The following MTUS1 variants were observed in gnomAD, a reference collection of about 807,000 sequenced individuals.
MTUS1 encodes the protein microtubule associated scaffold protein 1, also known as microtubule-associated tumor suppressor 1.
In MTUS1, 109 loss-of-function variants were observed where a neutral mutation model predicts 120.8. The observed-to-expected ratio is 0.90, with a 90% CI of 0.77 to 1.06. The LOEUF (loss-of-function observed/expected upper bound fraction) is 1.06, where lower values mean the gene tolerates loss of function less well. Ranked by LOEUF, MTUS1 falls within the 50% of genes least tolerant of loss-of-function variation. The probability of loss-of-function intolerance (pLI) is 0.00; values close to 1 mark genes in which losing one functional copy is unlikely to be tolerated. For missense variants in MTUS1, 2,210 were observed against 1,486.3 expected (o/e 1.49, Z -8.01); for synonymous variants, 737 against 550.5 (o/e 1.34, Z -4.74).
intron 2 of MTUS1, among the ~76,000 whole-genome samples, chr8:17,752,634 T>C (rs1033178689): frequency 6.7e-6 from 1 of 149,876 alleles, no homozygotes; most frequent in African/African-American, 2.5e-5. Context: ...CCCTCCCTTG[T>C]GGTCCCCATG....
rs1819536829 is a variant in MTUS1, at chr8:17,703,572, T to C, written c.2623+9642A>G. Among the ~76,000 whole-genome samples the C allele has an allele frequency of 3.4e-5, 5 of 146,252 alleles. No individual in the cohort carries two copies. The Admixed American group carries it at 3.5e-4, about 10-fold the overall frequency. Reference sequence around the variant, plus strand: ...TGAACCTGGGAGGCAGAGCTTGCAGTGAGCCGAGATCGCGCCACTGCACCG... The same window carrying C: ...TGAACCTGGGAGGCAGAGCTTGCAGCGAGCCGAGATCGCGCCACTGCACCG... On this transcript the variant is annotated intron_variant, in intron 6 of 14. Coordinates refer to ENST00000693296, the MANE Select transcript of MTUS1 (RefSeq NM_001363059.2).
At chr8:17,780,700 C>G (rs1563381434) in intron 1 of MTUS1, among the ~76,000 whole-genome samples, 1 of 152,296 alleles carries the variant, frequency 6.6e-6, no homozygotes, top group East Asian at 1.9e-4. Flanking sequence ...ACTAACTGGT[C>G]AAATCATGAG....
At chr8:17,767,632 G>A (rs572178826) in intron 1 of MTUS1, among the ~76,000 whole-genome samples, 28 of 149,316 alleles carry the variant, frequency 1.9e-4, no homozygotes, top group Admixed American at 1.5e-3. Context: ...CCAGGATTTC[G>A]AGGTTACAGT....
intron 8 of MTUS1, among the ~76,000 whole-genome samples, chr8:17,656,966 G>A (rs1221711779): frequency 6.6e-6 from 1 of 150,440 alleles, no homozygotes; most frequent in Non-Finnish European, 1.5e-5. Flanking sequence ...AGTTGAGGCA[G>A]GAGAATGGCG....
intron 4 of MTUS1, among the ~76,000 whole-genome samples, chr8:17,716,254 T>C (rs1366181309): frequency 1.3e-5 from 2 of 152,146 alleles, no homozygotes; most frequent in Non-Finnish European, 2.9e-5. Flanking sequence ...AGCACCCATC[T>C]CCATGGGGAC....
At chr8:17,758,374 C>T (rs888469889) in intron 1 of MTUS1, among the ~76,000 whole-genome samples, 1 of 151,316 alleles carries the variant, frequency 6.6e-6, no homozygotes, top group Admixed American at 6.6e-5. Flanking sequence ...ATCCAAAAAG[C>T]GATTTTGAAT....
At chr8:17,675,893 T>C (rs1813004938) in intron 7 of MTUS1, 1 of 173,038 alleles carries the variant, frequency 5.8e-6, no homozygotes, top group Non-Finnish European at 1.2e-5. Flanking sequence ...GGATGGCTGT[T>C]TTTAGTATCA....
At chr8:17,703,371 C>T (rs761428717) in intron 6 of MTUS1, among the ~76,000 whole-genome samples, 72 of 152,084 alleles carry the variant, frequency 4.7e-4, no homozygotes, top group Non-Finnish European at 9.1e-4. Flanking sequence ...CGGTGGCTCA[C>T]GCCTGTGATC....
intron 3 of MTUS1, among the ~76,000 whole-genome samples, chr8:17,731,402 A>G (rs2046568747): frequency 6.6e-6 from 1 of 152,206 alleles, no homozygotes; most frequent in African/African-American, 2.4e-5. Context: ...GTGAGAATTA[A>G]ATGAATTTAT....
At position 17,784,356 on chromosome 8, in the gene MTUS1, C is replaced by T. The variant is rs150383718; in HGVS notation, c.-155+16705G>A. Among the ~76,000 whole-genome samples the T allele has an allele frequency of 6.8e-3, 923 of 136,494 alleles. 11 individuals carry two copies. Among genetic ancestry groups the T allele is most frequent in the African/African-American group, 0.025 (888 of 35,776 alleles). 89.5% of individuals were successfully genotyped at this position (136,494 alleles called of 152,430 possible). On this transcript the variant is annotated intron_variant, in intron 1 of 14. Transcript: ENST00000693296. ...TGTTGCCCAGGCTAGAGTGCAATGT[C>T]GCCATCTCGGCTCACTGCAACCTCC...
intron 1 of MTUS1, among the ~76,000 whole-genome samples, chr8:17,761,315 G>C (rs2049021329): frequency 6.6e-6 from 1 of 152,108 alleles, no homozygotes; most frequent in African/African-American, 2.4e-5. Context: ...CATGTGAAGA[G>C]ACACACCTAA....
At chr8:17,703,590 C>T (rs541715810) in intron 6 of MTUS1, among the ~76,000 whole-genome samples, 194 of 148,916 alleles carry the variant, frequency 1.3e-3, no homozygotes, top group African/African-American at 4.7e-3. Context: ...GATCGCGCCA[C>T]TGCACCGCAG....
intron 6 of MTUS1, among the ~76,000 whole-genome samples, chr8:17,696,182 C>T (rs28538518): frequency 0.012 from 1,830 of 152,216 alleles, 43 homozygotes; most frequent in African/African-American, 0.042. Context: ...CCCCATTTAC[C>T]GTCAGCTCAG....
At chr8:17,801,410 C>T (rs1282057668), upstream of MTUS1, 6 of 151,804 alleles carry the variant, frequency 4.0e-5, no homozygotes, top group African/African-American at 1.4e-4. Flanking sequence ...AGGCCAGCCG[C>T]CGTCCCAGGG....
Position 17,674,969 on chromosome 8 carries a change from A to G in MTUS1, c.2905+217T>C, listed in dbSNP as rs543235918. 33 of 1,296,296 alleles carry G rather than the reference A, an allele frequency of 2.5e-5. No homozygotes were observed. The African/African-American group carries it at 4.7e-4, about 18-fold the overall frequency. The allele number at this position is 1,296,296 out of a possible 1,614,324, so 80.3% of individuals were successfully genotyped here. A position where few individuals can be genotyped will look rare whatever the true frequency, so the allele number is the denominator to read the frequency against. On this transcript the variant is annotated intron_variant, in intron 8 of 14. Coordinates refer to ENST00000693296, the MANE Select transcript of MTUS1 (RefSeq NM_001363059.2). ...TATTTTGCTCATCAGAAGTTCTGCT[A>G]GGCTTAGTCAGATCAGTGCCAGGAA...
chr8:17,778,781 C>T (rs2050651098), intron 1 of MTUS1, among the ~76,000 whole-genome samples: 1 of 152,052 alleles, frequency 6.6e-6, no homozygotes, highest in Admixed American at 6.6e-5. Context: ...TGCATTCCAG[C>T]CTGGGTGGCC....
intron 9 of MTUS1, 75 bp downstream of exon 9, chr8:17,655,788 C>T: frequency 7.7e-7 from 1 of 1,295,992 alleles, no homozygotes; most frequent in East Asian, 2.3e-5. Context: ...AGAAGCTCAT[C>T]AAGATGTGAA....
At position 17,754,940 on chromosome 8, in the gene MTUS1, G is replaced by T. The variant is rs768029750; in HGVS notation, c.868C>A (p.Gln290Lys). 12 of 1,613,994 alleles carry T rather than the reference G, an allele frequency of 7.4e-6. No homozygotes were observed. The highest frequency in any genetic ancestry group is 2.7e-5 in the African/African-American group (2 of 74,932). The change falls in exon 2 of 15, where the codon CAA (glutamine) becomes AAA (lysine). Residue 290 changes from glutamine to lysine, a missense_variant. Transcript: ENST00000693296. Reference sequence around the variant, plus strand: ...CCATCAGAAACTGGTGTTAGTGCTTGTGTCTCCTTTTCTCCAACTAGTCTT... The same window carrying T: ...CCATCAGAAACTGGTGTTAGTGCTTTTGTCTCCTTTTCTCCAACTAGTCTT... ...QQRLVGEKETQALTPVSDGME... is the reference protein window; with the variant it reads ...QQRLVGEKETKALTPVSDGME...
intron 1 of MTUS1, among the ~76,000 whole-genome samples, chr8:17,764,034 T>C (rs1466917798): frequency 6.6e-6 from 1 of 152,154 alleles, no homozygotes; most frequent in African/African-American, 2.4e-5. Flanking sequence ...GCCACCCAGA[T>C]CTCAGCGAGC....
Sources: gnomAD v4.1 joint callset for allele counts (sites outside exome capture counted in the v4.1 genomes callset) on GRCh38, gnomAD v4.1.1 for gene constraint, MANE v1.5 for transcripts, NCBI Gene and HGNC (gene_info 2026-07-23, HGNC 2026-07-21) for gene names.